Variants in FSTL5 observed in about 807,000 individuals in gnomAD.
FSTL5 encodes the protein follistatin-related protein 5.
FSTL5 carries 62 observed loss-of-function variants against 89.1 expected under a neutral mutation model. The ratio of observed to expected loss-of-function variants is 0.70; its 90% CI spans 0.57 to 0.86. The LOEUF is 0.86. FSTL5 is among the 40% of genes least tolerant of loss of function. FSTL5 has a pLI of 0.00. For missense variants in FSTL5, 1,057 were observed against 1,001.6 expected (o/e 1.06, Z -0.75); for synonymous variants, 383 against 346.2 (o/e 1.11, Z -1.18).
intron 4 of FSTL5, among the ~76,000 whole-genome samples, chr4:161,798,273 C>T (rs13110364): frequency 0.74 from 111,840 of 151,372 alleles, 41,329 homozygotes; most frequent in Admixed American, 0.76. Flanking sequence ...ATCATTGTAA[C>T]TTACAAATTC....
rs1211118673 is a variant in FSTL5 at position 161,748,614 on chromosome 4, T to G, written c.727+10797A>C. On this transcript the variant is annotated intron_variant, in intron 6 of 15. Coordinates refer to ENST00000306100, the MANE Select transcript of FSTL5 (RefSeq NM_020116.5). ...ATGCAAAGGGGAAGCACGTTTTTTT[T>G]TTTTTTTTTTTTTTCTCAGACTGAA... Among the ~76,000 whole-genome samples, 4 of 149,904 alleles carry G rather than the reference T, an allele frequency of 2.7e-5. No individual in the cohort carries two copies. In the East Asian group the frequency reaches 7.8e-4, roughly 29 times the overall value.
intron 6 of FSTL5, among the ~76,000 whole-genome samples, chr4:161,691,171 T>C (rs564048727): frequency 3.9e-5 from 6 of 152,246 alleles, no homozygotes; most frequent in South Asian, 2.1e-4. Flanking sequence ...AAAAATTCTA[T>C]AGATTTAACT....
intron 1 of FSTL5, among the ~76,000 whole-genome samples, chr4:162,114,529 GACACACACACACACACACAC>G (rs9308041): frequency 1.3e-5 from 2 of 149,028 alleles, no homozygotes; most frequent in African/African-American, 2.5e-5. Flanking sequence ...TTTGTGTGTG[GACACACACACACACACACAC>G]ACACACACAC....
chr4:161,509,828 G>A, intron 11 of FSTL5, among the ~76,000 whole-genome samples: 2 of 152,202 alleles, frequency 1.3e-5, no homozygotes, highest in East Asian at 3.9e-4. Flanking sequence ...AGTAACAACT[G>A]CAATAATATA....
chr4:161,678,483 AC>A (rs1737398370), intron 6 of FSTL5, among the ~76,000 whole-genome samples: 1 of 151,900 alleles, frequency 6.6e-6, no homozygotes, highest in Admixed American at 6.6e-5. Flanking sequence ...CTACACAAAT[AC>A]ATTACTGAAA....
intron 15 of FSTL5, among the ~76,000 whole-genome samples, chr4:161,398,162 C>T (rs978872217): frequency 6.6e-6 from 1 of 151,890 alleles, no homozygotes; most frequent in South Asian, 2.1e-4. Flanking sequence ...CAGTATTTAC[C>T]CTTAATAAAT....
intron 4 of FSTL5, among the ~76,000 whole-genome samples, chr4:161,880,005 T>A (rs1732575519): frequency 1.3e-5 from 2 of 152,216 alleles, no homozygotes; most frequent in African/African-American, 4.8e-5. Context: ...TTGTTAATCA[T>A]GTCAGTAGAC....
At chr4:161,853,797 A>G (rs1731635684) in intron 4 of FSTL5, among the ~76,000 whole-genome samples, 1 of 152,138 alleles carries the variant, frequency 6.6e-6, no homozygotes, top group African/African-American at 2.4e-5. Flanking sequence ...TTCATTAAAA[A>G]TGGTTTACCC....
chr4:161,817,634 G>A (rs544896864), intron 4 of FSTL5, among the ~76,000 whole-genome samples: 2 of 152,216 alleles, frequency 1.3e-5, no homozygotes, highest in South Asian at 2.1e-4. Context: ...TATTTTTACA[G>A]CACAATTTTT....
chr4:161,943,332 T>G (rs2110929403), intron 3 of FSTL5, among the ~76,000 whole-genome samples: 1 of 151,928 alleles, frequency 6.6e-6, no homozygotes, highest in East Asian at 1.9e-4. Flanking sequence ...TTACAAACAG[T>G]ATACTTGTTA....
chr4:162,142,917 A>T (rs1732805061), intron 1 of FSTL5, among the ~76,000 whole-genome samples: 1 of 152,202 alleles, frequency 6.6e-6, no homozygotes. Context: ...TTATGTATGC[A>T]TAATACCTAA....
At chr4:161,507,214 A>G (rs1337822404) in intron 11 of FSTL5, among the ~76,000 whole-genome samples, 1 of 152,008 alleles carries the variant, frequency 6.6e-6, no homozygotes, top group African/African-American at 2.4e-5. Flanking sequence ...AGTATAATTC[A>G]GTGCCTATAT....
chr4:162,084,715 T>C (rs1340754299), intron 2 of FSTL5, among the ~76,000 whole-genome samples: 4 of 151,358 alleles, frequency 2.6e-5, no homozygotes, highest in South Asian at 2.1e-4. Flanking sequence ...TAAGTGAGAG[T>C]TGAAGAATGA....
intron 3 of FSTL5, among the ~76,000 whole-genome samples, chr4:161,938,897 G>A (rs1163463409): frequency 6.6e-6 from 1 of 151,584 alleles, no homozygotes; most frequent in Non-Finnish European, 1.5e-5. Context: ...GGTGACATAA[G>A]GCACGGAACA....
In FSTL5 at chr4:162,143,818, ACATAC is replaced by A. The variant is rs1312289888; in HGVS notation, c.-17+19792_-17+19796del. 4.4e-3 allele frequency among the ~76,000 whole-genome samples: 444 copies of A among 99,828 alleles called. 2 individuals carry two copies. The highest frequency in any genetic ancestry group is 0.011 in the African/African-American group (373 of 34,230). 65.5% of individuals were successfully genotyped at this position (99,828 alleles called of 152,430 possible). Reference sequence around the variant, plus strand: ...CACACACACACACACACACACACACACATACAAACACACACGGCAGGAAAAAAAAT... The same window carrying A: ...CACACACACACACACACACACACACAAAACACACACGGCAGGAAAAAAAAT... On this transcript the variant is annotated intron_variant, in intron 1 of 15. Coordinates refer to ENST00000306100, the MANE Select transcript of FSTL5 (RefSeq NM_020116.5).
chr4:161,811,540 G>A (rs879942387), intron 4 of FSTL5, among the ~76,000 whole-genome samples: 5 of 152,010 alleles, frequency 3.3e-5, no homozygotes, highest in Admixed American at 3.3e-4. Context: ...TATTGAGTAG[G>A]GAGTGAGTGG....
intron 3 of FSTL5, among the ~76,000 whole-genome samples, chr4:161,974,277 C>A (rs1254845627): frequency 1.3e-5 from 2 of 152,090 alleles, no homozygotes; most frequent in East Asian, 3.9e-4. Flanking sequence ...TCACATGGAA[C>A]CAAAAAAGAG....
intron 6 of FSTL5, among the ~76,000 whole-genome samples, chr4:161,694,648 G>T (rs1246179130): frequency 6.6e-6 from 1 of 151,804 alleles, no homozygotes; most frequent in Non-Finnish European, 1.5e-5. Flanking sequence ...AATGATTTTT[G>T]TTATTTTTTT....
At chr4:161,717,243 G>A (rs1739019588) in intron 6 of FSTL5, among the ~76,000 whole-genome samples, 1 of 152,152 alleles carries the variant, frequency 6.6e-6, no homozygotes, top group Non-Finnish European at 1.5e-5. Flanking sequence ...TTTCTTTAGA[G>A]ATTTTATTTC....
Sources: gnomAD v4.1 joint callset for allele counts (sites outside exome capture counted in the v4.1 genomes callset) on GRCh38, gnomAD v4.1.1 for gene constraint, MANE v1.5 for transcripts, NCBI Gene and HGNC (gene_info 2026-07-23, HGNC 2026-07-21) for gene names.